The following UNC5A variants were observed in gnomAD, a reference collection of about 807,000 sequenced individuals.
The protein encoded by UNC5A is netrin receptor UNC5A.
Under a neutral mutation model 87.4 loss-of-function variants are expected in UNC5A, and 20 were observed. That is an observed-to-expected ratio of 0.23 (90% confidence interval 0.16 to 0.33). UNC5A has a LOEUF of 0.33. UNC5A is among the 10% of genes least tolerant of loss of function. The pLI, the probability that UNC5A is intolerant of heterozygous loss-of-function variation, is 1.00. For missense variants in UNC5A, 844 were observed against 1,133.4 expected, an observed-to-expected ratio of 0.74 and a Z score of 3.67; for synonymous variants, 438 against 482.3, an observed-to-expected ratio of 0.91 and a Z score of 1.20.
chr5:176,837,052 T>A (rs1341742749), intron 1 of UNC5A, among the ~76,000 whole-genome samples: 1 of 152,224 alleles, frequency 6.6e-6, no homozygotes, highest in East Asian at 1.9e-4. Context: ...TGTCCCTGTC[T>A]GACGAGGGTG....
chr5:176,828,410 C>T (rs1399199734), intron 1 of UNC5A, among the ~76,000 whole-genome samples: 4 of 152,050 alleles, frequency 2.6e-5, no homozygotes, highest in Non-Finnish European at 5.9e-5. Flanking sequence ...CCCACCTGTG[C>T]CCACCCTGCG....
At chr5:176,835,545 C>T (rs938352001) in intron 1 of UNC5A, among the ~76,000 whole-genome samples, 9 of 152,222 alleles carry the variant, frequency 5.9e-5, no homozygotes, top group Non-Finnish European at 1.2e-4. Context: ...TGCCTGGCTC[C>T]GGCCCCTTCC....
At chr5:176,870,585 G>T in intron 6 of UNC5A, 51 bp downstream of exon 6, 1 of 1,529,884 alleles carries the variant, frequency 6.5e-7, no homozygotes. Context: ...GATTGGCCTT[G>T]CCCAGCCCTG....
At chr5:176,876,132 G>A (rs777862610) in intron 8 of UNC5A, among the ~76,000 whole-genome samples, 3 of 152,232 alleles carry the variant, frequency 2.0e-5, no homozygotes, top group Admixed American at 6.5e-5. Flanking sequence ...TTCCTTCGCC[G>A]TCCTGAGTAC....
chr5:176,879,519 G>A (rs772842410), intron 14 of UNC5A, 31 bp downstream of exon 14: 57 of 1,583,030 alleles, frequency 3.6e-5, no homozygotes, highest in East Asian at 6.7e-5. Context: ...GAGGGCCTGC[G>A]CAGGCCACCG....
chr5:176,872,396 C>A (rs60912545), intron 6 of UNC5A, among the ~76,000 whole-genome samples: 3 of 11,754 alleles, frequency 2.6e-4, no homozygotes, highest in Non-Finnish European at 5.4e-4. Context: ...CCACAGCTTC[C>A]CATCTGCCCA....
chr5:176,828,782 T>C (rs942393809), intron 1 of UNC5A, among the ~76,000 whole-genome samples: 1 of 151,952 alleles, frequency 6.6e-6, no homozygotes, highest in African/African-American at 2.4e-5. Flanking sequence ...GATGGATGGA[T>C]GGGTGATTGG....
intron 1 of UNC5A, among the ~76,000 whole-genome samples, chr5:176,814,173 C>T (rs1756534565): frequency 1.3e-5 from 2 of 152,210 alleles, no homozygotes; most frequent in Non-Finnish European, 2.9e-5. Context: ...GCCTCCTCCA[C>T]TCAGACTAAG....
chr5:176,876,541 TC>T lies in UNC5A; in HGVS notation c.1379-647del, dbSNP rs565467429. Among the ~76,000 whole-genome samples, 10 of 152,056 alleles carry T rather than the reference TC, an allele frequency of 6.6e-5. 1 individual carries two copies. In the South Asian group the frequency reaches 2.1e-3, roughly 32 times the overall value. ...TCCCACCATCTCCCTGTTGAACCAC[TC>T]CCCTCTCCACTCACACGCTGATCCT... On this transcript the variant is annotated intron_variant, in intron 8 of 14. Coordinates refer to ENST00000329542, the MANE Select transcript of UNC5A (RefSeq NM_133369.3).
At chr5:176,857,617 C>T (rs1757699898) in intron 1 of UNC5A, among the ~76,000 whole-genome samples, 1 of 152,218 alleles carries the variant, frequency 6.6e-6, no homozygotes, top group Non-Finnish European at 1.5e-5. Context: ...TTGCTGCTCC[C>T]ACCCTTGCCG....
intron 1 of UNC5A, among the ~76,000 whole-genome samples, chr5:176,830,624 G>C: frequency 6.8e-6 from 1 of 146,200 alleles, no homozygotes; most frequent in Non-Finnish European, 1.5e-5. Flanking sequence ...GCGCTGGCGT[G>C]TGTGTGTGTG....
At chr5:176,834,690 T>TCTCTCC (rs1430762022) in intron 1 of UNC5A, among the ~76,000 whole-genome samples, 1 of 150,554 alleles carries the variant, frequency 6.6e-6, no homozygotes, top group Non-Finnish European at 1.5e-5. Flanking sequence ...TCTCTCTCTC[T>TCTCTCC]CTCTCTCTCT....
chr5:176,860,884 G>C (rs1026897389), intron 1 of UNC5A, among the ~76,000 whole-genome samples: 5 of 152,176 alleles, frequency 3.3e-5, no homozygotes, highest in Non-Finnish European at 5.9e-5. Context: ...GCTGGGGAGA[G>C]GCCGGAGTCT....
chr5:176,831,885 C>CTTTTTTTTTTTTTTTTTT (rs10580672), intron 1 of UNC5A, among the ~76,000 whole-genome samples: 2 of 27,664 alleles, frequency 7.2e-5, no homozygotes, highest in African/African-American at 1.2e-4. Context: ...TTCTCTCTCT[C>CTTTTTTTTTTTTTTTTTT]TTTTTTTTTT....
chr5:176,857,088 C>T (rs997251142), intron 1 of UNC5A, among the ~76,000 whole-genome samples: 82 of 152,348 alleles, frequency 5.4e-4, no homozygotes, highest in African/African-American at 1.9e-3. Flanking sequence ...GCCTGAGCCC[C>T]GCTCCCTCGA....
In UNC5A at chr5:176,874,750, GT is replaced by G. The variant is rs954015994; in HGVS notation, c.1378+186del. On this transcript the variant is annotated intron_variant, in intron 8 of 14. Transcript: ENST00000329542. This position sits in a 1 kb window ranked among gnomAD's most constrained non-coding sequence, Gnocchi z 7.6. ...CCGTGGCCAGAGCTGTCTTCCTCTTGTTGCCTGTGGGCACAAGGTAATTGTC... is the reference window on the plus strand; with the variant it reads ...CCGTGGCCAGAGCTGTCTTCCTCTTGTGCCTGTGGGCACAAGGTAATTGTC... 6.6e-6 allele frequency among the ~76,000 whole-genome samples: 1 copy of G among 152,190 alleles called. No homozygotes were observed. The highest frequency in any genetic ancestry group is 2.4e-5 in the African/African-American group (1 of 41,438).
intron 2 of UNC5A, among the ~76,000 whole-genome samples, chr5:176,864,207 C>T (rs762593931): frequency 2.0e-5 from 3 of 152,084 alleles, no homozygotes; most frequent in Non-Finnish European, 4.4e-5. Flanking sequence ...GTCTCAAAAC[C>T]ACCTGGAAAG....
chr5:176,864,967 G>A (rs887276780), intron 2 of UNC5A: 2 of 383,736 alleles, frequency 5.2e-6, no homozygotes, highest in South Asian at 3.8e-5. Context: ...GGGAGGGTCT[G>A]CAGGAGAACC....
At chr5:176,826,588 AGT>A (rs1171313727) in intron 1 of UNC5A, among the ~76,000 whole-genome samples, 2 of 150,510 alleles carry the variant, frequency 1.3e-5, no homozygotes, top group Admixed American at 1.3e-4. Context: ...ATTGGCATTG[AGT>A]ACATTCACAA....
Sources: gnomAD v4.1 joint callset for allele counts (sites outside exome capture counted in the v4.1 genomes callset) on GRCh38, gnomAD v4.1.1 for gene constraint, Gnocchi (gnomAD v3.1) non-coding constraint, MANE v1.5 for transcripts, NCBI Gene and HGNC (gene_info 2026-07-23, HGNC 2026-07-21) for gene names.